The following ADAMTS15 variants were observed in gnomAD, a reference collection of about 807,000 sequenced individuals.
The protein encoded by ADAMTS15 is A disintegrin and metalloproteinase with thrombospondin motifs 15.
A neutral mutation model predicts 79.1 loss-of-function variants in ADAMTS15; 35 were observed. The ratio of observed to expected loss-of-function variants is 0.44; its 90% CI spans 0.34 to 0.59. The LOEUF (loss-of-function observed/expected upper bound fraction) is 0.59, where lower values mean the gene tolerates loss of function less well. Ranked by LOEUF, ADAMTS15 falls within the 20% of genes least tolerant of loss-of-function variation. ADAMTS15 has a pLI of 0.02. For missense variants in ADAMTS15, 1,324 were observed against 1,318.7 expected, an observed-to-expected ratio of 1.00 and a Z score of -0.06; for synonymous variants, 616 against 567.3, an observed-to-expected ratio of 1.09 and a Z score of -1.22.
At chr11:130,470,119 C>CATATATATATATATATATATATATAT (rs1208986843) in intron 5 of ADAMTS15, among the ~76,000 whole-genome samples, 1 of 64,018 alleles carries the variant, frequency 1.6e-5, no homozygotes, top group Non-Finnish European at 3.0e-5. Context: ...ATTACTGAAT[C>CATATATATATATATATATATATATAT]ATATATATAT....
chr11:130,460,788 G>A (rs1254709857), intron 1 of ADAMTS15, among the ~76,000 whole-genome samples: 1 of 152,154 alleles, frequency 6.6e-6, no homozygotes, highest in Non-Finnish European at 1.5e-5. Flanking sequence ...AGGTTCTGTG[G>A]CCAAGTTAAG....
rs1162944182 is a variant in ADAMTS15, at chr11:130,475,213, G to T, written c.*1392G>T. Reference sequence around the variant, plus strand: ...CAGGGCCTCTTCAGACTCCTTGGGAGTAGGTTTCAGGAGGCACCAAGAATC... The same window carrying T: ...CAGGGCCTCTTCAGACTCCTTGGGATTAGGTTTCAGGAGGCACCAAGAATC... On this transcript the variant is annotated 3_prime_UTR_variant, in exon 8 of 8. Coordinates refer to ENST00000299164, the MANE Select transcript of ADAMTS15 (RefSeq NM_139055.4). The T allele has an allele frequency of 6.6e-6, 1 of 152,314 alleles. No homozygotes were observed. The highest frequency in any genetic ancestry group is 1.5e-5 in the Non-Finnish European group (1 of 68,098). The allele number at this position is 152,314 out of a possible 1,614,324, so 9.4% of individuals were successfully genotyped here.
In ADAMTS15 at chr11:130,475,112, C is replaced by T. The variant is rs79112658; in HGVS notation, c.*1291C>T. On this transcript the variant is annotated 3_prime_UTR_variant, in exon 8 of 8. Coordinates refer to ENST00000299164, the MANE Select transcript of ADAMTS15 (RefSeq NM_139055.4). ...GTCTTTGGAGAGCGAGCTGTCCAGCCACAGAAATGAGGGTGTGGTGCGTGG... is the reference window on the plus strand; with the variant it reads ...GTCTTTGGAGAGCGAGCTGTCCAGCTACAGAAATGAGGGTGTGGTGCGTGG... The T allele has an allele frequency of 0.092, 13,980 of 152,310 alleles. 1,588 individuals carry two copies. Among genetic ancestry groups the T allele is most frequent in the African/African-American group, 0.27 (11,204 of 41,484 alleles). 9.4% of individuals were successfully genotyped at this position (152,310 alleles called of 1,614,324 possible). A position where few individuals can be genotyped will look rare whatever the true frequency, so the allele number is the denominator to read the frequency against.
rs1290038186 is a variant in ADAMTS15 at position 130,473,569 on chromosome 11, G to T, written c.2601G>T (p.Arg867=). 1 of 1,602,470 alleles carries T rather than the reference G, an allele frequency of 6.2e-7. No individual in the cohort carries two copies. Among genetic ancestry groups the T allele is most frequent in the African/African-American group, 1.3e-5 (1 of 74,666 alleles). Reference sequence around the variant, plus strand: ...TGCAGAAGCGGGCGGTGGACTGCCGGGGCTCCGCCGGGCAGCGCACGGTCC... The same window carrying T: ...TGCAGAAGCGGGCGGTGGACTGCCGTGGCTCCGCCGGGCAGCGCACGGTCC... ...SGLQKRAVDC[R]GSAGQRTVPA... Residue 867 remains arginine, a synonymous_variant, in exon 8 of 8, where the codon CGG becomes CGT. Coordinates refer to ENST00000299164, the MANE Select transcript of ADAMTS15 (RefSeq NM_139055.4).
chr11:130,453,214 G>A (rs371867455), intron 1 of ADAMTS15, among the ~76,000 whole-genome samples: 2 of 151,948 alleles, frequency 1.3e-5, no homozygotes, highest in Admixed American at 6.5e-5. Context: ...TTTCTATGTC[G>A]TCAGATGCCC....
At chr11:130,470,183 T>TAC (rs1565397829) in intron 5 of ADAMTS15, among the ~76,000 whole-genome samples, 30 of 39,824 alleles carry the variant, frequency 7.5e-4, no homozygotes, top group African/African-American at 1.5e-3. Flanking sequence ...TATATATATG[T>TAC]GTGTATATAT....
rs1938218480 is a variant in ADAMTS15 at position 130,462,357 on chromosome 11, G to A, written c.1258+103G>A. ...TCTCCGTCCTCTGTACATTAGGTGT[G>A]TGTGCCCCCTCGGAGCCGGGCTCTG... On this transcript the variant is annotated intron_variant, in intron 3 of 7. Coordinates refer to ENST00000299164, the MANE Select transcript of ADAMTS15 (RefSeq NM_139055.4). This position sits in a 1 kb window ranked among gnomAD's most constrained non-coding sequence, Gnocchi z 4.3. 6.7e-7 allele frequency: 1 copy of A among 1,489,712 alleles called. No individual in the cohort carries two copies. Among genetic ancestry groups the A allele is most frequent in the Non-Finnish European group, 9.0e-7 (1 of 1,112,200 alleles). The allele number at this position is 1,489,712 out of a possible 1,614,324, so 92.3% of individuals were successfully genotyped here.
rs1230043732 is a variant in ADAMTS15, at chr11:130,461,526, T to A, written c.995T>A (p.Met332Lys). 1 of 1,614,164 alleles carries A rather than the reference T, an allele frequency of 6.2e-7. No individual in the cohort carries two copies. Among genetic ancestry groups the A allele is most frequent in the East Asian group, 2.2e-5 (1 of 44,866 alleles). The change falls in exon 2 of 8, where the codon ATG (methionine) becomes AAG (lysine). Residue 332 changes from methionine to lysine, a missense_variant. By Grantham distance (95) the Met-to-Lys change is moderately conservative (BLOSUM62 -1). Coordinates refer to ENST00000299164, the MANE Select transcript of ADAMTS15 (RefSeq NM_139055.4). ...CGATTCDTLG[M>K]ADVGTMCDPK... is the part of the protein sequence containing the mutation. ...GCCACCACCTGTGACACCCTGGGCATGGCTGATGTGGGTACCATGTGTGAC... is the reference window on the plus strand; with the variant it reads ...GCCACCACCTGTGACACCCTGGGCAAGGCTGATGTGGGTACCATGTGTGAC...
rs1937892796 is a variant in ADAMTS15, at chr11:130,449,084, C to T, written c.111C>T (p.Gly37=). Residue 37 remains glycine (G), a synonymous_variant, in exon 1 of 8, where the codon GGC becomes GGT. Transcript: ENST00000299164. The surrounding 1 kb of genome is among the most constrained non-coding windows in gnomAD (Gnocchi z 7.8). ...TCCGACTGGACCCGGACATTAACGG[C>T]CGCCGCTACTACTGGCGGGGTCCCG... ...VPIRLDPDIN[G]RRYYWRGPED... The T allele has an allele frequency of 1.3e-6, 2 of 1,579,474 alleles. No homozygotes were observed.
At chr11:130,469,175 A>G (rs1364715227) in intron 4 of ADAMTS15, 87 bp from the exon 5 acceptor site, 12 of 1,200,132 alleles carry the variant, frequency 1.0e-5, no homozygotes, top group Non-Finnish European at 1.3e-5. Flanking sequence ...GAGAACTTGG[A>G]GGCTGTACAG....
intron 5 of ADAMTS15, 33 bp downstream of exon 5, chr11:130,469,472 C>A: frequency 7.6e-7 from 1 of 1,308,504 alleles, no homozygotes; most frequent in East Asian, 2.9e-5. Context: ...GGCCTGGGCC[C>A]AGGGGAGGTG....
rs1407488254 is a variant in ADAMTS15, at chr11:130,472,004, C to T, written c.2078+621C>T. 6.6e-6 allele frequency among the ~76,000 whole-genome samples: 1 copy of T among 152,230 alleles called. No homozygotes were observed. Among genetic ancestry groups the T allele is most frequent in the East Asian group, 1.9e-4 (1 of 5,190 alleles). On this transcript the variant is annotated intron_variant, in intron 7 of 7. Coordinates refer to ENST00000299164, the MANE Select transcript of ADAMTS15 (RefSeq NM_139055.4). The surrounding 1 kb of genome is among the most constrained non-coding windows in gnomAD (Gnocchi z 4.7). Reference sequence around the variant, plus strand: ...GGGCAGCTGGGACTGAAGGAGTCTTCACGTCTTGGGCAATCCCTGGGCATC... The same window carrying T: ...GGGCAGCTGGGACTGAAGGAGTCTTTACGTCTTGGGCAATCCCTGGGCATC...
chr11:130,463,768 A>G (rs2134729344), intron 4 of ADAMTS15, among the ~76,000 whole-genome samples: 1 of 152,364 alleles, frequency 6.6e-6, no homozygotes. Context: ...TGTGGTGGTC[A>G]GAAAAAGAAA....
rs1386625371 is a variant in ADAMTS15, at chr11:130,471,086, T to C, written c.1887T>C (p.Tyr629=). The C allele has an allele frequency of 1.2e-6, 2 of 1,613,634 alleles. No individual in the cohort carries two copies. Among genetic ancestry groups the C allele is most frequent in the South Asian group, 2.2e-5 (2 of 90,958 alleles). The change falls in exon 6 of 8, where the codon TAT becomes TAC. Residue 629 remains tyrosine (Y), a synonymous_variant. Transcript: ENST00000299164. ...ICRANGTGYF[Y]VLAPKVVDGT... Reference sequence around the variant, plus strand: ...GAGCCAATGGCACTGGCTACTTCTATGTGCTGGCACCCAAGGTGAGTGAGC... The same window carrying C: ...GAGCCAATGGCACTGGCTACTTCTACGTGCTGGCACCCAAGGTGAGTGAGC...
rs1356438879 is a variant in ADAMTS15 at position 130,475,485 on chromosome 11, G to GAGCT, written c.*1666_*1669dup. The GAGCT allele has an allele frequency of 6.6e-6, 1 of 152,208 alleles. No homozygotes were observed. The highest frequency in any genetic ancestry group is 1.5e-5 in the Non-Finnish European group (1 of 68,070). 9.4% of individuals were successfully genotyped at this position (152,208 alleles called of 1,614,324 possible). On this transcript the variant is annotated 3_prime_UTR_variant, in exon 8 of 8. Transcript: ENST00000299164. ...CAGGTCCTCAGTGGAGAATTTTCTG[G>GAGCT]AGCTAAGATCAAAGCATGTGTCTTC...
intron 5 of ADAMTS15, among the ~76,000 whole-genome samples, chr11:130,470,133 C>CACATGTATAT (rs1938393613): frequency 1.3e-5 from 1 of 74,818 alleles, no homozygotes; most frequent in African/African-American, 5.9e-5. Flanking sequence ...TATATATATA[C>CACATGTATAT]ATATATATAT....
At chr11:130,453,093 C>G (rs1281559244) in intron 1 of ADAMTS15, among the ~76,000 whole-genome samples, 2 of 152,176 alleles carry the variant, frequency 1.3e-5, no homozygotes, top group African/African-American at 4.8e-5. Flanking sequence ...CAGACCAGCC[C>G]TGTTGGGGAG....
chr11:130,468,636 G>T (rs1038344655), intron 4 of ADAMTS15, among the ~76,000 whole-genome samples: 1 of 151,330 alleles, frequency 6.6e-6, no homozygotes, highest in African/African-American at 2.4e-5. Flanking sequence ...GTGGTGGCGG[G>T]CGCCTGTAAT....
intron 5 of ADAMTS15, among the ~76,000 whole-genome samples, chr11:130,470,182 GTGTGTATA>G (rs1446305460): frequency 1.7e-3 from 124 of 72,612 alleles, no homozygotes; most frequent in East Asian, 3.3e-3. Flanking sequence ...ATATATATAT[GTGTGTATA>G]TATATATATA....
Sources: allele counts gnomAD v4.1 joint callset (sites outside exome capture counted in the v4.1 genomes callset), GRCh38; gene constraint gnomAD v4.1.1; non-coding constraint Gnocchi (gnomAD v3.1); transcripts MANE v1.5; gene names NCBI Gene and HGNC (gene_info 2026-07-23, HGNC 2026-07-21).